ENTREP2: variants seen among roughly 807,000 people sequenced by gnomAD.
ENTREP2 encodes the protein endosomal transmembrane epsin interactor 2, also known as protein ENTREP2.
At chr15:29,444,248 AAG>A in the ENTREP2 span, among the ~76,000 whole-genome samples, 9 of 148,076 alleles carry the variant, frequency 6.1e-5, no homozygotes, top group South Asian at 4.3e-4. Flanking sequence ...GAAAGAAAGA[AAG>A]AGAAAGAGAA....
At chr15:29,558,610 T>C in the ENTREP2 span, among the ~76,000 whole-genome samples, 1 of 21,832 alleles carries the variant, frequency 4.6e-5, no homozygotes. Flanking sequence ...TTGAATTGTA[T>C]AGGTGCATTT....
chr15:29,335,279 G>A, the ENTREP2 span, among the ~76,000 whole-genome samples: 1 of 152,212 alleles, frequency 6.6e-6, no homozygotes, highest in Admixed American at 6.5e-5. Flanking sequence ...GGAGGCTACG[G>A]TGTAATTGAA....
the ENTREP2 span, among the ~76,000 whole-genome samples, chr15:29,137,994 T>A: frequency 6.6e-6 from 1 of 151,984 alleles, no homozygotes; most frequent in Non-Finnish European, 1.5e-5. Context: ...GAGTCCTGCA[T>A]TGTGCATTCG....
chr15:29,220,250 G>C, the ENTREP2 span, among the ~76,000 whole-genome samples: 1 of 152,134 alleles, frequency 6.6e-6, no homozygotes, highest in African/African-American at 2.4e-5. Context: ...GCAAAGCCTG[G>C]CCTACTAGTT....
chr15:29,545,471 G>C, the ENTREP2 span, among the ~76,000 whole-genome samples: 1 of 152,188 alleles, frequency 6.6e-6, no homozygotes, highest in African/African-American at 2.4e-5. Context: ...GTCCAGTTTT[G>C]TGATCTTGAG....
chr15:29,656,547 G>T, the ENTREP2 span, among the ~76,000 whole-genome samples: 21 of 152,158 alleles, frequency 1.4e-4, no homozygotes, highest in African/African-American at 3.6e-4. Context: ...TAAAGTAGAA[G>T]AATTCTGATA....
the ENTREP2 span, among the ~76,000 whole-genome samples, chr15:29,468,702 C>T: frequency 4.8e-4 from 72 of 151,054 alleles, 1 homozygote; most frequent in Middle Eastern, 3.5e-3. Context: ...TCTGAAGTTG[C>T]TTTTCAATTA....
At chr15:29,393,575 C>G in the ENTREP2 span, among the ~76,000 whole-genome samples, 1 of 152,154 alleles carries the variant, frequency 6.6e-6, no homozygotes, top group East Asian at 1.9e-4. Context: ...ATCTGCAATG[C>G]ATCAAGGAGC....
the ENTREP2 span, among the ~76,000 whole-genome samples, chr15:29,282,418 G>C: frequency 6.6e-6 from 1 of 152,056 alleles, no homozygotes; most frequent in African/African-American, 2.4e-5. Flanking sequence ...CCCAGTCTTG[G>C]GTATGTCTTT....
the ENTREP2 span, among the ~76,000 whole-genome samples, chr15:29,566,188 C>G: frequency 0.64 from 97,355 of 151,258 alleles, 31,694 homozygotes; most frequent in Non-Finnish European, 0.71. Context: ...GAGACAGAGT[C>G]TTACTCCATC....
the ENTREP2 span, among the ~76,000 whole-genome samples, chr15:29,655,131 C>A: frequency 2.6e-4 from 40 of 152,246 alleles, no homozygotes; most frequent in East Asian, 6.6e-3. Flanking sequence ...AAAATTAGCA[C>A]CTTTGGTAGA....
chr15:29,510,297 G>A, the ENTREP2 span, among the ~76,000 whole-genome samples: 2 of 152,286 alleles, frequency 1.3e-5, 1 homozygote, highest in South Asian at 4.2e-4. Context: ...TTACACCATT[G>A]GTGGGAGTAT....
At chr15:29,225,027 G>A in the ENTREP2 span, among the ~76,000 whole-genome samples, 1 of 152,196 alleles carries the variant, frequency 6.6e-6, no homozygotes, top group South Asian at 2.1e-4. Flanking sequence ...CCGGCGGGCT[G>A]GCCGGCCGCT....
At chr15:29,124,601 G>T in the ENTREP2 span, 1 of 1,171,502 alleles carries the variant, frequency 8.5e-7, no homozygotes, top group Non-Finnish European at 1.2e-6. Context: ...AGCTGCATTT[G>T]GAAACAATGT....
chr15:29,563,190 T>C, the ENTREP2 span, among the ~76,000 whole-genome samples: 2 of 152,198 alleles, frequency 1.3e-5, no homozygotes, highest in African/African-American at 4.8e-5. Context: ...ATGTAACCTT[T>C]CAAATCTTAT....
the ENTREP2 span, among the ~76,000 whole-genome samples, chr15:29,315,612 T>G: frequency 6.6e-6 from 1 of 152,132 alleles, no homozygotes; most frequent in African/African-American, 2.4e-5. Context: ...GACCCCACTT[T>G]AAGTATTAGA....
At chr15:29,662,210 G>T in the ENTREP2 span, among the ~76,000 whole-genome samples, 1,887 of 49,376 alleles carry the variant, frequency 0.038, 41 homozygotes, top group African/African-American at 0.11. Flanking sequence ...AAACCCTGTC[G>T]CAAAAAAAAA....
chr15:29,491,716 C>A, the ENTREP2 span, among the ~76,000 whole-genome samples: 1 of 152,136 alleles, frequency 6.6e-6, no homozygotes, highest in African/African-American at 2.4e-5. Context: ...AAGGAAAAAA[C>A]ATGAAGATTT....
the ENTREP2 span, chr15:29,374,695 T>C: frequency 6.6e-6 from 1 of 152,184 alleles, no homozygotes; most frequent in Non-Finnish European, 1.5e-5. Flanking sequence ...CACTCCTTAT[T>C]CCACATATAT....
Sources: gnomAD v4.1 joint callset for allele counts (sites outside exome capture counted in the v4.1 genomes callset) on GRCh38, gnomAD v4.1.1 for gene constraint, MANE v1.5 for transcripts, NCBI Gene and HGNC (gene_info 2026-07-23, HGNC 2026-07-21) for gene names.